Variants in ANKRD44 observed in about 807,000 individuals in gnomAD.
The protein encoded by ANKRD44 is ankyrin repeat domain 44, also known as serine/threonine-protein phosphatase 6 regulatory ankyrin repeat subunit B.
Under a neutral mutation model 116.0 loss-of-function variants are expected in ANKRD44, and 35 were observed. The ratio of observed to expected loss-of-function variants is 0.30; its 90% CI spans 0.23 to 0.40. ANKRD44 has a LOEUF of 0.40. ANKRD44 is among the 10% of genes least tolerant of loss of function. The pLI is 1.00. For synonymous variants in ANKRD44, 435 were observed against 461.8 expected (o/e 0.94, Z 0.74); for missense variants, 1,014 against 1,242.6 (o/e 0.82, Z 2.77).
intron 10 of ANKRD44, among the ~76,000 whole-genome samples, chr2:197,092,299 T>C (rs550940173): frequency 1.3e-5 from 2 of 152,366 alleles, no homozygotes; most frequent in Admixed American, 1.3e-4. Context: ...GTCTCCTCTC[T>C]GGCACAAAGT....
At chr2:197,155,031 A>G (rs2079773485) in intron 2 of ANKRD44, among the ~76,000 whole-genome samples, 2 of 152,244 alleles carry the variant, frequency 1.3e-5, no homozygotes, top group Admixed American at 6.5e-5. Flanking sequence ...CACAAGAATT[A>G]AAATGATGAT....
intron 1 of ANKRD44, among the ~76,000 whole-genome samples, chr2:197,234,442 T>G (rs559632629): frequency 6.6e-6 from 1 of 152,254 alleles, no homozygotes; most frequent in Non-Finnish European, 1.5e-5. Flanking sequence ...TCCACCCATC[T>G]CGGCCTCACA....
At position 197,212,808 on chromosome 2, in the gene ANKRD44, A is replaced by G. The variant is rs947754538; in HGVS notation, c.28-25702T>C. The stretch of plus-strand genomic sequence containing the variant: ...CGTACACACACAAACACACACTTCA[A>G]TCAGGAACTCGGTGATCACATGCCC... On this transcript the variant is annotated intron_variant, in intron 1 of 27. Transcript: ENST00000282272. This position sits in a 1 kb window ranked among gnomAD's most constrained non-coding sequence, Gnocchi z 4.8. Among the ~76,000 whole-genome samples the G allele has an allele frequency of 6.6e-6, 1 of 152,304 alleles. No homozygotes were observed. The highest frequency in any genetic ancestry group is 1.9e-4 in the East Asian group (1 of 5,188).
chr2:197,196,558 AAAC>A (rs1420473042), intron 1 of ANKRD44, among the ~76,000 whole-genome samples: 1 of 152,242 alleles, frequency 6.6e-6, no homozygotes, highest in African/African-American at 2.4e-5. Flanking sequence ...TGTCCTTTAA[AAAC>A]AACAACAAAA....
chr2:197,063,601 T>C (rs1225529700), intron 16 of ANKRD44, among the ~76,000 whole-genome samples: 1 of 152,046 alleles, frequency 6.6e-6, no homozygotes, highest in Non-Finnish European at 1.5e-5. Context: ...TGTAGAGAAG[T>C]CTTTAAATGA....
downstream of ANKRD44, among the ~76,000 whole-genome samples, chr2:196,986,182 C>G (rs17384622): frequency 0.072 from 10,927 of 152,152 alleles, 453 homozygotes; most frequent in South Asian, 0.1. Context: ...TAGTTTATCA[C>G]GTCTTTTGTC....
intron 2 of ANKRD44, among the ~76,000 whole-genome samples, chr2:197,175,501 AAC>A (rs930338930): frequency 1.1e-4 from 17 of 152,202 alleles, no homozygotes; most frequent in South Asian, 2.1e-4. Context: ...TGGAGGGAAA[AAC>A]ACACAGTGTC....
chr2:197,101,839 T>C (rs78330884), intron 9 of ANKRD44, among the ~76,000 whole-genome samples: 6,142 of 152,310 alleles, frequency 0.04, 160 homozygotes, highest in Middle Eastern at 0.082. Flanking sequence ...ATATTATCTA[T>C]ATAAGTTAGG....
chr2:197,125,703 G>C, intron 5 of ANKRD44, 134 bp downstream of exon 5: 2 of 1,073,870 alleles, frequency 1.9e-6, no homozygotes, highest in East Asian at 4.9e-5. Context: ...AGTTGAGAAT[G>C]ATATAGATGC....
chr2:197,296,933 T>C (rs1315909849), intron 1 of ANKRD44, among the ~76,000 whole-genome samples: 1 of 152,220 alleles, frequency 6.6e-6, no homozygotes, highest in Non-Finnish European at 1.5e-5. Flanking sequence ...TACACCAATG[T>C]TTTTTAGACA....
intron 7 of ANKRD44, 23 bp from the exon 8 acceptor site, chr2:197,121,567 G>A (rs2078854779): frequency 5.6e-6 from 9 of 1,602,216 alleles, no homozygotes; most frequent in Non-Finnish European, 6.0e-6. Context: ...CCAACACAGG[G>A]TGATTAAAGT....
chr2:197,185,355 T>C (rs566255050), intron 2 of ANKRD44, among the ~76,000 whole-genome samples: 3 of 152,342 alleles, frequency 2.0e-5, no homozygotes, highest in African/African-American at 7.2e-5. Flanking sequence ...CATGGAACAA[T>C]GGCTACACCA....
At chr2:196,978,382 A>G (rs2075775132) in intron 21 of ANKRD44, among the ~76,000 whole-genome samples, 1 of 152,184 alleles carries the variant, frequency 6.6e-6, no homozygotes, top group Admixed American at 6.5e-5. Flanking sequence ...TCATGAGCCA[A>G]AATAAACCAC....
At chr2:197,063,814 A>G (rs913784901) in intron 16 of ANKRD44, among the ~76,000 whole-genome samples, 2 of 152,252 alleles carry the variant, frequency 1.3e-5, no homozygotes, top group African/African-American at 2.4e-5. Context: ...GAAAAGACCA[A>G]ATCTACGTCT....
intron 1 of ANKRD44, among the ~76,000 whole-genome samples, chr2:197,290,239 T>A (rs964239829): frequency 1.3e-5 from 2 of 152,212 alleles, no homozygotes. Flanking sequence ...TGTTTCCTTT[T>A]CACCACATCC....
chr2:196,989,008 T>C lies in ANKRD44; in HGVS notation c.*583A>G, dbSNP rs996817785. On this transcript the variant is annotated 3_prime_UTR_variant, in exon 28 of 28. Transcript: ENST00000282272. ...CTGGCTACAGACTGTGGCTGAGCAG[T>C]AGAAGATGCGTAGCCCTCTCTAACC... 26 of 985,334 alleles carry C rather than the reference T, an allele frequency of 2.6e-5. No individual in the cohort carries two copies. The highest frequency in any genetic ancestry group is 3.1e-5 in the Non-Finnish European group (26 of 829,968). The allele number at this position is 985,334 out of a possible 1,614,324, so 61.0% of individuals were successfully genotyped here. A position where few individuals can be genotyped will look rare whatever the true frequency, so the allele number is the denominator to read the frequency against.
rs531692892 is a variant in ANKRD44 at position 197,217,532 on chromosome 2, C to G, written c.28-30426G>C. Among the ~76,000 whole-genome samples, 236 of 152,300 alleles carry G rather than the reference C, an allele frequency of 1.5e-3. 1 individual carries two copies. The highest frequency in any genetic ancestry group is 5.5e-3 in the African/African-American group (230 of 41,566). On this transcript the variant is annotated intron_variant, in intron 1 of 27. Transcript: ENST00000282272. Reference sequence around the variant, plus strand: ...TCTCCTGCAGAGGCAGCAAAAATAGCACATTCAATTGGGTATCTGAAAAAC... The same window carrying G: ...TCTCCTGCAGAGGCAGCAAAAATAGGACATTCAATTGGGTATCTGAAAAAC...
chr2:197,236,050 G>C (rs1317068631), intron 1 of ANKRD44, among the ~76,000 whole-genome samples: 1 of 152,192 alleles, frequency 6.6e-6, no homozygotes, highest in Non-Finnish European at 1.5e-5. Flanking sequence ...AACAGGACCA[G>C]AGGAAATCGT....
At chr2:196,972,972 G>A (rs977770678) in intron 21 of ANKRD44, among the ~76,000 whole-genome samples, 15 of 152,156 alleles carry the variant, frequency 9.9e-5, no homozygotes, top group African/African-American at 3.6e-4. Context: ...TTAATTGGCA[G>A]TGTTTTTCTT....
Sources: gnomAD v4.1 joint callset for allele counts (sites outside exome capture counted in the v4.1 genomes callset) on GRCh38, gnomAD v4.1.1 for gene constraint, Gnocchi (gnomAD v3.1) non-coding constraint, MANE v1.5 for transcripts, NCBI Gene and HGNC (gene_info 2026-07-23, HGNC 2026-07-21) for gene names.